The following LDAF1 variants were observed in gnomAD, a reference collection of about 807,000 sequenced individuals.
The protein encoded by LDAF1 is PROMETHIN.
LDAF1 carries 7 observed loss-of-function variants against 13.5 expected under a neutral mutation model. The ratio of observed to expected loss-of-function variants is 0.52; its 90% CI spans 0.29 to 0.97. The LOEUF is 0.97. LDAF1 is among the 50% of genes least tolerant of loss of function. The pLI, the probability that LDAF1 is intolerant of heterozygous loss-of-function variation, is 0.07. For synonymous variants in LDAF1, 69 were observed against 77.1 expected (o/e 0.89, Z 0.55); for missense variants, 148 against 193.2 (o/e 0.77, Z 1.39).
At chr16:21,176,365 T>C (rs142536216) in intron 4 of LDAF1, among the ~76,000 whole-genome samples, 89 of 152,316 alleles carry the variant, frequency 5.8e-4, no homozygotes, top group African/African-American at 2.0e-3. Context: ...TCTGAAGAGA[T>C]GTTATTTATG....
chr16:21,167,733 G>C (rs114146188), intron 2 of LDAF1, among the ~76,000 whole-genome samples: 1 of 116,386 alleles, frequency 8.6e-6, no homozygotes, highest in African/African-American at 3.2e-5. Context: ...GCGGTGGGGC[G>C]CGGTATCCCA....
chr16:21,167,261 A>G (rs2093032794), intron 2 of LDAF1, among the ~76,000 whole-genome samples: 1 of 152,216 alleles, frequency 6.6e-6, no homozygotes, highest in South Asian at 2.1e-4. Context: ...CCTAGGAGGC[A>G]CATGTGTTTT....
At chr16:21,169,240 C>T (rs903509314) in intron 2 of LDAF1, 9 of 806,152 alleles carry the variant, frequency 1.1e-5, no homozygotes, top group East Asian at 1.2e-4. Flanking sequence ...TGTGTATGCA[C>T]GACACCTGGG....
At chr16:21,172,924 C>A in intron 3 of LDAF1, 1 of 738,450 alleles carries the variant, frequency 1.4e-6, no homozygotes, top group Non-Finnish European at 1.7e-6. Context: ...ACTGGCCACT[C>A]ACAAAGCAAA....
At chr16:21,159,420 C>T (rs751103410) in intron 1 of LDAF1, 2 of 1,614,008 alleles carry the variant, frequency 1.2e-6, no homozygotes, top group East Asian at 2.2e-5. Context: ...AGTGTGAGCT[C>T]GAGGCGCCCT....
chr16:21,159,242 A>C, intron 1 of LDAF1: 1 of 1,255,128 alleles, frequency 8.0e-7, no homozygotes, highest in Non-Finnish European at 1.2e-6. Context: ...TTTACCCCCA[A>C]ATTAATAACT....
chr16:21,161,664 C>T (rs1597527325), intron 2 of LDAF1, among the ~76,000 whole-genome samples: 1 of 152,138 alleles, frequency 6.6e-6, no homozygotes, highest in South Asian at 2.1e-4. Context: ...CAACAGATAT[C>T]ATCCTTTTTT....
chr16:21,179,332 G>T (rs1280410835), intron 4 of LDAF1, 143 bp from the exon 5 acceptor site: 1 of 1,540,134 alleles, frequency 6.5e-7, no homozygotes, highest in Non-Finnish European at 8.7e-7. Flanking sequence ...TTCTTCATCT[G>T]TATAATGGAC....
rs765821702 is a variant in LDAF1, at chr16:21,179,608, C to T, written c.*52C>T. The T allele has an allele frequency of 2.0e-6, 3 of 1,523,866 alleles. No individual in the cohort carries two copies. The highest frequency in any genetic ancestry group is 4.5e-5 in the East Asian group (2 of 44,232). The allele number at this position is 1,523,866 out of a possible 1,614,324, so 94.4% of individuals were successfully genotyped here. A position where few individuals can be genotyped will look rare whatever the true frequency, so the allele number is the denominator to read the frequency against. On this transcript the variant is annotated 3_prime_UTR_variant, in exon 5 of 5. Coordinates refer to ENST00000233047, the MANE Select transcript of LDAF1 (RefSeq NM_001301771.2). ...TTCAAGTACTGCTGGATCATACTCA[C>T]CCCTTGGGATTATGGCTTAGAAGAA... is the stretch of plus-strand genomic sequence containing the variant.
intron 4 of LDAF1, chr16:21,179,186 A>T: frequency 4.3e-6 from 1 of 235,022 alleles, no homozygotes; most frequent in Non-Finnish European, 6.9e-6. Flanking sequence ...GGCTACTCTT[A>T]ATCTACCATT....
chr16:21,160,971 T>C (rs2092967250), intron 1 of LDAF1, 114 bp from the exon 2 acceptor site: 1 of 1,285,162 alleles, frequency 7.8e-7, no homozygotes, highest in Admixed American at 3.5e-5. Context: ...GTTGTGAATA[T>C]TGCCAGGTTA....
chr16:21,174,274 C>T, intron 4 of LDAF1, 126 bp downstream of exon 4: 1 of 860,840 alleles, frequency 1.2e-6, no homozygotes. Context: ...GCTACAGCCT[C>T]AACCTCCAAG....
chr16:21,178,321 T>C, intron 4 of LDAF1: 3 of 985,328 alleles, frequency 3.0e-6, no homozygotes, highest in Non-Finnish European at 3.6e-6. Flanking sequence ...TATCATAATC[T>C]TCCAAACCAG....
At chr16:21,173,913 G>A (rs2152848910) in intron 3 of LDAF1, 97 bp from the exon 4 acceptor site, 1 of 1,242,722 alleles carries the variant, frequency 8.0e-7, no homozygotes, top group African/African-American at 1.6e-5. Flanking sequence ...TTAATAATCT[G>A]AGTTAGCGGT....
At chr16:21,174,858 G>T (rs550057288) in intron 4 of LDAF1, among the ~76,000 whole-genome samples, 1 of 152,102 alleles carries the variant, frequency 6.6e-6, no homozygotes, top group Admixed American at 6.6e-5. Flanking sequence ...TATGGGAGCC[G>T]TGAATCTTCT....
At chr16:21,170,395 C>T (rs371959328) in intron 2 of LDAF1, 42 bp from the exon 3 acceptor site, 21 of 1,610,034 alleles carry the variant, frequency 1.3e-5, no homozygotes, top group South Asian at 7.7e-5. Context: ...CCTGGGGTTC[C>T]GATGTGTTAC....
In LDAF1 at chr16:21,176,437, G is replaced by C. The variant is rs150955171; in HGVS notation, c.404+2289G>C. Among the ~76,000 whole-genome samples, 41 of 152,286 alleles carry C rather than the reference G, an allele frequency of 2.7e-4. 1 individual carries two copies. In the East Asian group the frequency reaches 7.5e-3, roughly 28 times the overall value. On this transcript the variant is annotated intron_variant, in intron 4 of 4. Coordinates refer to ENST00000233047, the MANE Select transcript of LDAF1 (RefSeq NM_001301771.2). ...GAGGGAAGATCACTTGAGGCCAGGG[G>C]TTTAAGACCAACCTAGGCAACATGG...
chr16:21,170,964 G>A (rs1213708033), intron 3 of LDAF1, among the ~76,000 whole-genome samples: 1 of 152,192 alleles, frequency 6.6e-6, no homozygotes, highest in Non-Finnish European at 1.5e-5. Flanking sequence ...GTAAAATGCA[G>A]ATATAATAAT....
intron 1 of LDAF1, chr16:21,159,918 C>A (rs940959399): frequency 1.0e-6 from 1 of 985,180 alleles, no homozygotes; most frequent in East Asian, 1.1e-4. Context: ...TCAAGACCTA[C>A]GCCAGAGGCA....
Sources: gnomAD v4.1 joint callset for allele counts (sites outside exome capture counted in the v4.1 genomes callset) on GRCh38, gnomAD v4.1.1 for gene constraint, MANE v1.5 for transcripts, NCBI Gene and HGNC (gene_info 2026-07-23, HGNC 2026-07-21) for gene names.